Variants in MCF2 observed in about 807,000 individuals in gnomAD.
The protein encoded by MCF2 is proto-oncogene DBL.
Under a neutral mutation model 82.5 loss-of-function variants are expected in MCF2, and 44 were observed. That is an observed-to-expected ratio of 0.53 (90% CI 0.42 to 0.69). MCF2 has a LOEUF of 0.69. Among genes scored for constraint, MCF2 ranks in the 30% least tolerant of loss-of-function variants. The pLI is 0.00. For synonymous variants in MCF2, 217 were observed against 224.9 expected, an observed-to-expected ratio of 0.96 and a Z score of 0.32; for missense variants, 623 against 663.1, an observed-to-expected ratio of 0.94 and a Z score of 0.66.
At chrX:139,696,830 A>G (rs750640032) in intron 1 of MCF2, among the ~76,000 whole-genome samples, 1 of 112,355 alleles carries the variant, frequency 8.9e-6, no homozygotes, top group East Asian at 2.8e-4. Context: ...CAGGAAGTCT[A>G]TTGACATGTG....
At chrX:139,659,121 C>T (rs1399275630) in intron 1 of MCF2, among the ~76,000 whole-genome samples, 3 of 110,459 alleles carry the variant, frequency 2.7e-5, no homozygotes, top group Admixed American at 9.6e-5. Flanking sequence ...AACCCTGTCG[C>T]TGCTAAAAAT....
intron 7 of MCF2, among the ~76,000 whole-genome samples, 196 bp downstream of exon 10, chrX:139,619,391 C>A (rs952942240): frequency 1.8e-5 from 2 of 110,279 alleles, no homozygotes; most frequent in South Asian, 7.8e-4. Flanking sequence ...GTATACTGTT[C>A]GGGTGATGGG....
intron 1 of MCF2, among the ~76,000 whole-genome samples, chrX:139,659,164 T>C (rs1452286675): frequency 9.0e-6 from 1 of 110,733 alleles, no homozygotes; most frequent in Non-Finnish European, 1.9e-5. Context: ...GGCACGTGCC[T>C]GTAGTCCCAG....
At chrX:139,585,023 T>C in intron 24 of MCF2, 43 bp downstream of exon 28, 1 of 968,088 alleles carries the variant, frequency 1.0e-6, no homozygotes, top group Non-Finnish European at 1.4e-6. Flanking sequence ...ATTTCATCAG[T>C]AAAACTGCCT....
At chrX:139,640,054 A>C (rs769297974) in intron 1 of MCF2, among the ~76,000 whole-genome samples, 1 of 111,234 alleles carries the variant, frequency 9.0e-6, no homozygotes, top group South Asian at 3.8e-4. Flanking sequence ...AGTACGGCCT[A>C]TCTGGATCCT....
intron 17 of MCF2, among the ~76,000 whole-genome samples, chrX:139,598,158 A>G (rs1354525894): frequency 1.8e-5 from 2 of 111,943 alleles, no homozygotes; most frequent in Non-Finnish European, 3.8e-5. Context: ...TTGTGCGGAA[A>G]TCAACACAAC....
chrX:139,593,405 AC>A (rs1330965229), intron 19 of MCF2, among the ~76,000 whole-genome samples: 5 of 110,595 alleles, frequency 4.5e-5, no homozygotes, highest in Middle Eastern at 4.6e-3. Context: ...TAGCTTACCA[AC>A]CAAAAAGAGC....
intron 10 of MCF2, 73 bp downstream of exon 14, chrX:139,613,143 C>T (rs1246293003): frequency 3.1e-5 from 24 of 766,119 alleles, no homozygotes; most frequent in Non-Finnish European, 4.0e-5. Flanking sequence ...TTTTTAGATG[C>T]CAAACTGGTT....
intron 2 of MCF2, among the ~76,000 whole-genome samples, chrX:139,631,740 C>T (rs897571473): frequency 5.4e-5 from 6 of 111,357 alleles, no homozygotes; most frequent in Admixed American, 9.6e-5. Context: ...TCCACAGAAA[C>T]CAAAACGCCT....
chrX:139,597,525 C>T, exon 18 of MCF2: 1 of 1,188,812 alleles, frequency 8.4e-7, no homozygotes, highest in Non-Finnish European at 1.1e-6. Flanking sequence ...TCCAGCATTG[C>T]ATCGAGTGCC....
intron 1 of MCF2, among the ~76,000 whole-genome samples, chrX:139,665,968 T>C (rs1389549996): frequency 1.0e-5 from 1 of 98,600 alleles, no homozygotes; most frequent in East Asian, 3.1e-4. Flanking sequence ...ATTATATATA[T>C]ACATATATAT....
At chrX:139,694,315 C>T (rs1319449629) in intron 1 of MCF2, among the ~76,000 whole-genome samples, 3 of 103,019 alleles carry the variant, frequency 2.9e-5, no homozygotes, top group Non-Finnish European at 6.0e-5. Context: ...AAACAAAAGT[C>T]AAATCACAAA....
intron 1 of MCF2, among the ~76,000 whole-genome samples, chrX:139,668,744 T>C (rs1270133658): frequency 1.8e-5 from 2 of 111,642 alleles, no homozygotes; most frequent in Admixed American, 1.9e-4. Context: ...ATGAAACGTT[T>C]CTATTCAGCC....
chrX:139,675,378 G>T (rs1934834952), intron 1 of MCF2, among the ~76,000 whole-genome samples: 1 of 112,489 alleles, frequency 8.9e-6, no homozygotes, highest in African/African-American at 3.2e-5. Context: ...AGGAGAAAAG[G>T]CTCTCTGGTT....
intron 1 of MCF2, among the ~76,000 whole-genome samples, chrX:139,693,440 AG>A (rs1935317984): frequency 9.2e-6 from 1 of 108,300 alleles, no homozygotes; most frequent in Admixed American, 1.0e-4. Flanking sequence ...ACCTGAGGAA[AG>A]TGGGGATAGG....
chrX:139,692,216 C>G lies in MCF2; in HGVS notation c.-45+15890G>C, dbSNP rs747251599. 37 of 731,998 alleles carry G rather than the reference C, an allele frequency of 5.1e-5. No homozygotes were observed. The African/African-American group carries it at 7.6e-4, about 15-fold the overall frequency. 60.3% of individuals were successfully genotyped at this position (731,998 alleles called of 1,213,427 possible). On this transcript the variant is annotated intron_variant, in intron 1 of 27. Transcript: ENST00000414978. ...TGGAGAGCCGGGCAGGGCCGCTACTCCAGCCAGCAGCTGCCCAGCTCTGAC... is the reference window on the plus strand; with the variant it reads ...TGGAGAGCCGGGCAGGGCCGCTACTGCAGCCAGCAGCTGCCCAGCTCTGAC...
chrX:139,596,330 A>G (rs1175388684), intron 19 of MCF2, among the ~76,000 whole-genome samples: 1 of 111,383 alleles, frequency 9.0e-6, no homozygotes, highest in Non-Finnish European at 1.9e-5. Context: ...TCGTAGTGAG[A>G]AGAAAGGGAG....
At chrX:139,707,220 T>C (rs1935607465) in intron 1 of MCF2, among the ~76,000 whole-genome samples, 1 of 110,355 alleles carries the variant, frequency 9.1e-6, no homozygotes, top group African/African-American at 3.3e-5. Context: ...GAACCTTGCA[T>C]ATCAGAGAAA....
intron 1 of MCF2, chrX:139,702,223 G>C (rs1935512798): frequency 8.9e-6 from 1 of 112,177 alleles, no homozygotes; most frequent in African/African-American, 3.2e-5. Flanking sequence ...ATATTTACTA[G>C]TTTTTTCTGT....
Sources: gnomAD v4.1 joint callset for allele counts (sites outside exome capture counted in the v4.1 genomes callset) on GRCh38, gnomAD v4.1.1 for gene constraint, MANE v1.5 for transcripts, NCBI Gene and HGNC (gene_info 2026-07-23, HGNC 2026-07-21) for gene names.